The following NLGN4X variants were observed in gnomAD, a reference collection of about 807,000 sequenced individuals.
NLGN4X encodes neuroligin 4 X-linked, also known as neuroligin-4, X-linked.
NLGN4X carries 3 observed loss-of-function variants against 40.3 expected under a neutral mutation model. The ratio of observed to expected loss-of-function variants is 0.07; its 90% CI spans 0.03 to 0.19. The LOEUF (loss-of-function observed/expected upper bound fraction) is 0.19, where lower values mean the gene tolerates loss of function less well. Among genes scored for constraint, NLGN4X ranks in the 10% least tolerant of loss-of-function variants. The pLI, the probability that NLGN4X is intolerant of heterozygous loss-of-function variation, is 1.00. For synonymous variants in NLGN4X, 270 were observed against 306.8 expected, an observed-to-expected ratio of 0.88 and a Z score of 1.25; for missense variants, 382 against 708.3, an observed-to-expected ratio of 0.54 and a Z score of 5.23.
chrX:6,225,493 G>A (rs2147917995), intron 1 of NLGN4X, among the ~76,000 whole-genome samples: 1 of 108,257 alleles, frequency 9.2e-6, no homozygotes, highest in South Asian at 4.1e-4. Flanking sequence ...AGTTTCTGCC[G>A]CTTTGTTCTC....
At chrX:5,997,613 CACATATAT>C (rs1569177278) in intron 3 of NLGN4X, among the ~76,000 whole-genome samples, 1 of 11,266 alleles carries the variant, frequency 8.9e-5, no homozygotes, top group East Asian at 3.1e-3. Flanking sequence ...TATATATATA[CACATATAT>C]ATATATATAT....
chrX:6,088,793 G>C (rs957035062), intron 2 of NLGN4X, among the ~76,000 whole-genome samples: 6 of 111,918 alleles, frequency 5.4e-5, no homozygotes, highest in Non-Finnish European at 9.4e-5. Context: ...AAGAATATAT[G>C]ATGCCGAGTT....
rs4995613 is a variant in NLGN4X, at chrX:5,892,880, G to A, written c.2388C>T (p.Asn796=). The A allele has an allele frequency of 8.3e-7, 1 of 1,211,589 alleles. No individual in the cohort carries two copies. The highest frequency in any genetic ancestry group is 3.0e-5 in the East Asian group (1 of 33,814). The change falls in exon 6 of 6, where the codon AAC becomes AAT. Residue 796 remains asparagine, a synonymous_variant. Transcript: ENST00000381095. The part of the protein sequence containing the change: ...LTGMQPLHTF[N]TFSGGQNSTN... ...TACTGTTTTGTCCTCCACTGAAGGT[G>A]TTAAAAGTGTGCAAAGGCTGCATCC...
intron 2 of NLGN4X, among the ~76,000 whole-genome samples, chrX:6,123,999 A>G (rs946996987): frequency 4.5e-5 from 5 of 111,289 alleles, no homozygotes; most frequent in Admixed American, 9.6e-5. Flanking sequence ...TTGAAAAGAT[A>G]TATTTAAAAT....
At chrX:6,130,859 T>A (rs1453099778) in intron 2 of NLGN4X, among the ~76,000 whole-genome samples, 15 of 112,076 alleles carry the variant, frequency 1.3e-4, no homozygotes. Context: ...TATGGTGCAT[T>A]CTTTAGAGTA....
intron 1 of NLGN4X, among the ~76,000 whole-genome samples, chrX:6,223,177 T>A (rs1445748480): frequency 9.0e-6 from 1 of 110,874 alleles, no homozygotes; most frequent in Non-Finnish European, 1.9e-5. Context: ...ATATATAGTT[T>A]TTTATATACG....
intron 2 of NLGN4X, among the ~76,000 whole-genome samples, chrX:6,073,816 T>A (rs188377757): frequency 9.0e-5 from 10 of 111,163 alleles, no homozygotes; most frequent in African/African-American, 2.9e-4. Context: ...TATGTCATGT[T>A]CATTTGGCCA....
chrX:6,057,550 TTCA>T (rs773929048), intron 2 of NLGN4X, among the ~76,000 whole-genome samples: 11 of 112,022 alleles, frequency 9.8e-5, no homozygotes, highest in Non-Finnish European at 1.9e-4. Context: ...ATATTAATCG[TTCA>T]TCAAGCAGAT....
chrX:6,073,622 T>C (rs1402229986), intron 2 of NLGN4X, among the ~76,000 whole-genome samples: 1 of 111,187 alleles, frequency 9.0e-6, no homozygotes, highest in Non-Finnish European at 1.9e-5. Flanking sequence ...GTACCTGATA[T>C]AACAGAGGAC....
intron 2 of NLGN4X, among the ~76,000 whole-genome samples, chrX:6,109,873 T>A (rs918936173): frequency 8.9e-6 from 1 of 112,026 alleles, no homozygotes; most frequent in Admixed American, 9.5e-5. Context: ...CCTGTTAGGA[T>A]CCAGTCTCCT....
intron 1 of NLGN4X, among the ~76,000 whole-genome samples, chrX:6,180,716 A>C (rs1388054829): frequency 1.8e-5 from 2 of 111,368 alleles, no homozygotes; most frequent in South Asian, 3.8e-4. Flanking sequence ...AAGTAGTGGC[A>C]GAACTGTACT....
chrX:5,891,275 T>C lies in NLGN4X; in HGVS notation c.*1542A>G, dbSNP rs2031155506. On this transcript the variant is annotated 3_prime_UTR_variant, in exon 6 of 6. Transcript: ENST00000381095. ...TTATCCTAATTTCCCAGAAAACCCA[T>C]GCAAAGCAGTTTTAATATTCTATCC... 2 of 238,193 alleles carry C rather than the reference T, an allele frequency of 8.4e-6. No homozygotes were observed. Among genetic ancestry groups the C allele is most frequent in the Admixed American group, 1.2e-4 (2 of 16,799 alleles). 19.6% of individuals were successfully genotyped at this position (238,193 alleles called of 1,213,427 possible).
chrX:5,940,613 T>C (rs12839517), intron 3 of NLGN4X, among the ~76,000 whole-genome samples: 57 of 95,659 alleles, frequency 6.0e-4, no homozygotes, highest in South Asian at 8.9e-4. Flanking sequence ...AAAAAAAAAC[T>C]TTTTTTTTTT....
intron 2 of NLGN4X, among the ~76,000 whole-genome samples, chrX:6,122,217 G>A (rs1443600063): frequency 2.7e-5 from 3 of 111,311 alleles, no homozygotes; most frequent in Admixed American, 1.9e-4. Context: ...GCATGAAATC[G>A]AGAGGTGGGC....
chrX:6,125,300 T>C (rs1444476223), intron 2 of NLGN4X, among the ~76,000 whole-genome samples: 2 of 111,890 alleles, frequency 1.8e-5, no homozygotes, highest in South Asian at 3.7e-4. Context: ...GAGCAGAAAT[T>C]AGCGAAACAG....
At chrX:5,978,084 C>T (rs2035231181) in intron 3 of NLGN4X, among the ~76,000 whole-genome samples, 1 of 111,942 alleles carries the variant, frequency 8.9e-6, no homozygotes, top group Non-Finnish European at 1.9e-5. Context: ...GATGTATGCA[C>T]AGCTCATAAA....
chrX:5,954,368 C>G (rs1179233887), intron 3 of NLGN4X, among the ~76,000 whole-genome samples: 15 of 102,328 alleles, frequency 1.5e-4, no homozygotes, highest in South Asian at 4.8e-4. Flanking sequence ...GGACTACAGG[C>G]AGGCACCAGC....
chrX:6,207,341 T>A (rs1177993491), intron 1 of NLGN4X, among the ~76,000 whole-genome samples: 1 of 112,367 alleles, frequency 8.9e-6, no homozygotes, highest in Middle Eastern at 4.2e-3. Flanking sequence ...TAATGTATAA[T>A]AAGTTAACTT....
At chrX:5,943,567 A>G in intron 3 of NLGN4X, among the ~76,000 whole-genome samples, 1 of 112,481 alleles carries the variant, frequency 8.9e-6, no homozygotes, top group Non-Finnish European at 1.9e-5. Flanking sequence ...TTGAGGTTGC[A>G]AAGGATGGGA....
Sources: allele counts gnomAD v4.1 joint callset (sites outside exome capture counted in the v4.1 genomes callset), GRCh38; gene constraint gnomAD v4.1.1; transcripts MANE v1.5; gene names NCBI Gene and HGNC (gene_info 2026-07-23, HGNC 2026-07-21).